Variants in NFIB observed in about 807,000 individuals in gnomAD.
NFIB encodes the protein nuclear factor 1 B-type.
In NFIB, 11 loss-of-function variants were observed where a neutral mutation model predicts 61.5. The observed-to-expected ratio is 0.18, with a 90% confidence interval of 0.11 to 0.30. NFIB has a LOEUF of 0.30. Ranked by LOEUF, NFIB falls within the 10% of genes least tolerant of loss-of-function variation. NFIB has a pLI of 1.00. For missense variants in NFIB, 471 were observed against 608.9 expected (o/e 0.77, Z 2.38); for synonymous variants, 260 against 216.5 (o/e 1.20, Z -1.76).
chr9:14,456,209 A>ATT, the NFIB span, among the ~76,000 whole-genome samples: 51,873 of 148,814 alleles, frequency 0.35, 9,694 homozygotes, highest in Admixed American at 0.48. Context: ...ACTACTTGGC[A>ATT]TTTTTTTTTT....
intron 10 of NFIB, among the ~76,000 whole-genome samples, chr9:14,106,374 A>G (rs2036560350): frequency 6.6e-6 from 1 of 152,280 alleles, no homozygotes; most frequent in South Asian, 2.1e-4. Flanking sequence ...CAGAATTTCA[A>G]AACCAAATAA....
intron 2 of NFIB, among the ~76,000 whole-genome samples, chr9:14,300,906 G>A (rs943425157): frequency 2.0e-5 from 3 of 152,110 alleles, no homozygotes; most frequent in African/African-American, 7.2e-5. Flanking sequence ...TTGCTATATT[G>A]GGTATCTTGG....
rs576235067 is a variant in NFIB at position 14,378,071 on chromosome 9, TG to T, written c.108+20452del. Among the ~76,000 whole-genome samples the T allele has an allele frequency of 2.5e-3, 378 of 152,232 alleles. 1 individual carries two copies. Among genetic ancestry groups the T allele is most frequent in the Non-Finnish European group, 4.1e-3 (280 of 68,020 alleles). On this transcript the variant is annotated intron_variant, in intron 1 of 8. Coordinates refer to the NFIB transcript ENST00000380934. The stretch of plus-strand genomic sequence containing the variant: ...AAAGGTGCTCCACACCAGCTGAGGG[TG>T]GGGGCTTGTCTGGATGAGACATTGG...
intron 1 of NFIB, among the ~76,000 whole-genome samples, chr9:14,322,924 G>C (rs2060698336): frequency 6.6e-6 from 1 of 152,202 alleles, no homozygotes; most frequent in Non-Finnish European, 1.5e-5. Context: ...TGTCTGCGGC[G>C]CGCCGCGGGC....
the NFIB span, among the ~76,000 whole-genome samples, chr9:14,404,771 T>C: frequency 6.6e-6 from 1 of 152,158 alleles, no homozygotes; most frequent in Admixed American, 6.5e-5. Flanking sequence ...CTAGCGTGGA[T>C]GGTGTGACAG....
At chr9:14,261,656 T>C (rs2132240889) in intron 2 of NFIB, among the ~76,000 whole-genome samples, 1 of 152,164 alleles carries the variant, frequency 6.6e-6, no homozygotes, top group Middle Eastern at 3.4e-3. Flanking sequence ...GAATGGGAGA[T>C]GGGGAAGTCT....
At chr9:14,235,250 G>T (rs1169460745) in intron 2 of NFIB, among the ~76,000 whole-genome samples, 1 of 152,146 alleles carries the variant, frequency 6.6e-6, no homozygotes, top group African/African-American at 2.4e-5. Context: ...GCGATCTGAT[G>T]TTCAAAGGAC....
chr9:14,269,452 C>T (rs986587956), intron 2 of NFIB, among the ~76,000 whole-genome samples: 1 of 152,098 alleles, frequency 6.6e-6, no homozygotes, highest in Non-Finnish European at 1.5e-5. Context: ...TGCCAAATTA[C>T]GACATCATTT....
At chr9:14,276,145 G>T (rs955360279) in intron 2 of NFIB, among the ~76,000 whole-genome samples, 1 of 152,064 alleles carries the variant, frequency 6.6e-6, no homozygotes, top group African/African-American at 2.4e-5. Flanking sequence ...TTTGGTATGA[G>T]GTGGTGAATC....
chr9:14,281,848 G>A (rs1008131111), intron 2 of NFIB, among the ~76,000 whole-genome samples: 2 of 149,848 alleles, frequency 1.3e-5, no homozygotes, highest in African/African-American at 2.5e-5. Flanking sequence ...CACCCCACAC[G>A]TGTTTTTTTT....
intron 2 of NFIB, among the ~76,000 whole-genome samples, chr9:14,256,040 G>A (rs1399031242): frequency 6.6e-6 from 1 of 152,192 alleles, no homozygotes; most frequent in Non-Finnish European, 1.5e-5. Flanking sequence ...TGTGCAAAGG[G>A]AAGCTACCAA....
chr9:14,300,749 G>T lies in NFIB; in HGVS notation c.562+6240C>A, dbSNP rs534418170. Among the ~76,000 whole-genome samples the T allele has an allele frequency of 2.6e-5, 4 of 152,270 alleles. No homozygotes were observed. In the East Asian group the frequency reaches 7.7e-4, roughly 29 times the overall value. On this transcript the variant is annotated intron_variant, in intron 2 of 10. Transcript: ENST00000380953. ...GAATTCTGACATAACCTTCCGTTGG[G>T]TCCCTCTCTCTTCAGGTGCTGAAAT...
intron 10 of NFIB, chr9:14,094,465 G>A (rs1351505589): frequency 2.6e-5 from 4 of 152,106 alleles, no homozygotes; most frequent in Non-Finnish European, 1.5e-5. Flanking sequence ...AGGCTAGCCT[G>A]GAAGTGAAAT....
intron 2 of NFIB, among the ~76,000 whole-genome samples, chr9:14,209,669 T>TG (rs1278141261): frequency 6.6e-6 from 1 of 152,158 alleles, no homozygotes; most frequent in Non-Finnish European, 1.5e-5. Flanking sequence ...CAGAACAGTG[T>TG]GGGGAGAAGT....
At chr9:14,405,531 A>G in the NFIB span, among the ~76,000 whole-genome samples, 1 of 152,240 alleles carries the variant, frequency 6.6e-6, no homozygotes, top group Non-Finnish European at 1.5e-5. Flanking sequence ...CTCTTGCTAT[A>G]ACTCAAAAGA....
At chr9:14,529,805 C>T in the NFIB span, among the ~76,000 whole-genome samples, 24 of 152,136 alleles carry the variant, frequency 1.6e-4, no homozygotes, top group Non-Finnish European at 2.5e-4. Context: ...AAATAAATTA[C>T]GCAATAATTT....
At chr9:14,226,590 C>G (rs192731726) in intron 2 of NFIB, among the ~76,000 whole-genome samples, 1 of 149,846 alleles carries the variant, frequency 6.7e-6, no homozygotes, top group Admixed American at 6.7e-5. Flanking sequence ...GCATATTAGT[C>G]TTAAAAAATA....
the NFIB span, among the ~76,000 whole-genome samples, chr9:14,493,736 C>G: frequency 6.6e-6 from 1 of 152,170 alleles, no homozygotes; most frequent in Non-Finnish European, 1.5e-5. Flanking sequence ...TTTAGTGTGT[C>G]TGGCACAAAT....
chr9:14,378,276 G>T (rs1588393727), intron 1 of NFIB, among the ~76,000 whole-genome samples: 1 of 152,332 alleles, frequency 6.6e-6, no homozygotes, highest in East Asian at 1.9e-4. Flanking sequence ...TGGTTCATAT[G>T]TAGGGCTCAA....
Sources: gnomAD v4.1 joint callset for allele counts (sites outside exome capture counted in the v4.1 genomes callset) on GRCh38, gnomAD v4.1.1 for gene constraint, MANE v1.5 for transcripts, NCBI Gene and HGNC (gene_info 2026-07-23, HGNC 2026-07-21) for gene names.